DYSF: variants seen among roughly 807,000 people sequenced by gnomAD.
DYSF encodes dysferlin.
DYSF carries 212 observed loss-of-function variants against 274.9 expected under a neutral mutation model. The observed-to-expected ratio is 0.77, with a 90% CI of 0.69 to 0.86. The LOEUF (loss-of-function observed/expected upper bound fraction) is 0.86. Among genes scored for constraint, DYSF ranks in the 40% least tolerant of loss-of-function variants. DYSF has a pLI of 0.00. For missense variants in DYSF, 2,666 were observed against 2,783.2 expected, an observed-to-expected ratio of 0.96 and a Z score of 0.95; for synonymous variants, 1,091 against 1,078.7, an observed-to-expected ratio of 1.01 and a Z score of -0.22.
At chr2:71,569,142 G>A (rs2092287301) in intron 26 of DYSF, among the ~76,000 whole-genome samples, 1 of 152,190 alleles carries the variant, frequency 6.6e-6, no homozygotes, top group African/African-American at 2.4e-5. Context: ...CCAAAGTGCT[G>A]GGATTACAGG....
chr2:71,539,680 C>T (rs1156527462), intron 17 of DYSF, among the ~76,000 whole-genome samples: 2 of 151,804 alleles, frequency 1.3e-5, no homozygotes, highest in African/African-American at 4.8e-5. Context: ...ATAAGCCCAC[C>T]CCTCCGGACA....
intron 17 of DYSF, among the ~76,000 whole-genome samples, chr2:71,548,196 G>C (rs1013117240): frequency 6.6e-6 from 1 of 152,176 alleles, no homozygotes; most frequent in African/African-American, 2.4e-5. Flanking sequence ...TGAGGGGCTG[G>C]GCCGGGCCCT....
chr2:71,664,323 T>C lies in DYSF; in HGVS notation c.5059T>C (p.Tyr1687His). The change falls in exon 46 of 56, where the codon TAT (tyrosine) becomes CAT (histidine). Residue 1687 changes from tyrosine (Y) to histidine (H), a missense_variant. By Grantham distance (83) the Tyr-to-His change is moderately conservative (BLOSUM62 2). Around this residue, in one of 3 missense-constraint regions of DYSF, gnomAD observed 1,460 missense variants for 1,502.1 expected, o/e 0.97. Transcript: ENST00000410020. Reference protein sequence around the residue: ...PLEKDLKITLYDYDLLSKDEK... With the variant: ...PLEKDLKITLHDYDLLSKDEK... ...GGAGAAGGACCTAAAGATCACTCTC[T>C]ATGACTATGACCTCCTCTCCAAGGA... The C allele has an allele frequency of 6.2e-7, 1 of 1,614,186 alleles. No individual in the cohort carries two copies. Among genetic ancestry groups the C allele is most frequent in the Non-Finnish European group, 8.5e-7 (1 of 1,180,028 alleles).
chr2:71,521,773 C>T (rs554115091), intron 12 of DYSF, among the ~76,000 whole-genome samples: 2 of 152,204 alleles, frequency 1.3e-5, no homozygotes, highest in African/African-American at 4.8e-5. Context: ...TTAGCTGGGC[C>T]CCGGGTGCTG....
At chr2:71,515,545 T>A in intron 7 of DYSF, 78 bp from the exon 8 acceptor site, 1 of 1,603,502 alleles carries the variant, frequency 6.2e-7, no homozygotes, top group Non-Finnish European at 8.5e-7. Flanking sequence ...CCCTGAGATT[T>A]CTGACTCTTG....
At chr2:71,485,731 C>T (rs1573441581) in intron 3 of DYSF, among the ~76,000 whole-genome samples, 1 of 152,110 alleles carries the variant, frequency 6.6e-6, no homozygotes. Context: ...AAAACCATAC[C>T]AGGGAGTAAC....
At chr2:71,674,429 C>A in intron 52 of DYSF, 133 bp downstream of exon 52, 1 of 835,410 alleles carries the variant, frequency 1.2e-6, no homozygotes, top group Non-Finnish European at 2.0e-6. Flanking sequence ...TTTCAGGGAG[C>A]TCAGGGTCAT....
intron 41 of DYSF, among the ~76,000 whole-genome samples, chr2:71,631,458 T>A (rs1223140655): frequency 1.3e-5 from 2 of 152,186 alleles, no homozygotes; most frequent in Non-Finnish European, 2.9e-5. Context: ...GTGTTGCCAG[T>A]GAAGCCTGGC....
chr2:71,555,575 C>A (rs959612713), intron 21 of DYSF, among the ~76,000 whole-genome samples: 3 of 152,136 alleles, frequency 2.0e-5, no homozygotes, highest in Non-Finnish European at 2.9e-5. Flanking sequence ...GTGGTAGAAT[C>A]TGGAAAGGAG....
At chr2:71,510,331 A>G (rs2085960671) in intron 4 of DYSF, among the ~76,000 whole-genome samples, 1 of 152,006 alleles carries the variant, frequency 6.6e-6, no homozygotes, top group African/African-American at 2.4e-5. Context: ...GGCGGAGGGG[A>G]GGACTTTCTT....
chr2:71,563,926 C>G, intron 23 of DYSF, 132 bp from the exon 24 acceptor site: 1 of 1,295,072 alleles, frequency 7.7e-7, no homozygotes, highest in Non-Finnish European at 1.1e-6. Context: ...CCAGGGTGGA[C>G]AGTGTGTGGG....
intron 1 of DYSF, among the ~76,000 whole-genome samples, chr2:71,474,786 G>T (rs781655229): frequency 3.0e-4 from 46 of 152,142 alleles, no homozygotes; most frequent in Non-Finnish European, 5.6e-4. Context: ...ATGATTAAAA[G>T]ATATTTAGCA....
intron 1 of DYSF, among the ~76,000 whole-genome samples, chr2:71,473,177 T>C (rs1185184438): frequency 6.6e-6 from 1 of 152,180 alleles, no homozygotes; most frequent in Non-Finnish European, 1.5e-5. Context: ...GAGAACACCA[T>C]GGCAGGGCAG....
Position 71,503,172 on chromosome 2 carries a change from C to A in DYSF, c.240-42C>A, listed in dbSNP as rs752261636. ...GGGGTCTGGCAGAAGAGCCAGGGTG[C>A]CTTAGGCTAGTTTTCTACATTTGAC... On this transcript the variant is annotated intron_variant, in intron 3 of 55. Transcript: ENST00000410020. The A allele has an allele frequency of 1.9e-6, 3 of 1,577,032 alleles. No homozygotes were observed. In the Admixed American group the frequency reaches 5.0e-5, roughly 26 times the overall value.
chr2:71,590,247 A>G lies in DYSF; in HGVS notation c.3533A>G (p.Gln1178Arg). The change falls in exon 32 of 56, where the codon CAG (glutamine) becomes CGG (arginine). Residue 1178 changes from glutamine to arginine, a missense_variant. By Grantham distance (43) the Gln-to-Arg change is conservative. This residue lies in a region of DYSF where 1,460 missense variants were observed against 1,502.1 expected (regional missense o/e 0.97). Coordinates refer to ENST00000410020, the MANE Select transcript of DYSF (RefSeq NM_001130987.2). ...NRYHLRCYMY[Q>R]ARDLAAMDKD... ...TACCATCTACGCTGCTACATGTACCAGGCCCGGGACCTGGCTGCGATGGAC... is the reference window on the plus strand; with the variant it reads ...TACCATCTACGCTGCTACATGTACCGGGCCCGGGACCTGGCTGCGATGGAC... 6.2e-7 allele frequency: 1 copy of G among 1,614,126 alleles called. No homozygotes were observed. The highest frequency in any genetic ancestry group is 8.5e-7 in the Non-Finnish European group (1 of 1,180,012).
chr2:71,456,650 T>G (rs547315506), intron 1 of DYSF, among the ~76,000 whole-genome samples: 1 of 152,152 alleles, frequency 6.6e-6, no homozygotes, highest in South Asian at 2.1e-4. Flanking sequence ...ATGTATACAT[T>G]CATTGCAAGC....
At chr2:71,526,418 T>TGGGGGGG in intron 13 of DYSF, 72 bp downstream of exon 13, 4 of 261,498 alleles carry the variant, frequency 1.5e-5, no homozygotes, top group East Asian at 1.9e-4. Flanking sequence ...GGGTGGGCGA[T>TGGGGGGG]GGCGGGCGGG....
At chr2:71,566,207 G>A (rs1304484549) in intron 24 of DYSF, among the ~76,000 whole-genome samples, 15 of 150,998 alleles carry the variant, frequency 9.9e-5, no homozygotes, top group Non-Finnish European at 2.1e-4. Flanking sequence ...CGGGGAAGGC[G>A]GTCTGCGAGA....
chr2:71,553,030 A>C lies in DYSF; in HGVS notation c.1826A>C (p.Lys609Thr), dbSNP rs1276175142. The C allele has an allele frequency of 6.2e-7, 1 of 1,614,042 alleles. No homozygotes were observed. The highest frequency in any genetic ancestry group is 1.3e-5 in the African/African-American group (1 of 74,924). ...LRVEKYLRRR[K>T]YSLFAAFYSA... is the part of the protein sequence containing the mutation. ...TCTCAGAAGTACCTTAGGAGGCGCA[A>C]GTACTCCCTGTTTGCGGCCTTCTAC... The change falls in exon 20 of 56, where the codon AAG becomes ACG. Residue 609 changes from lysine (K) to threonine (T), a missense_variant. Lys to Thr is a moderately conservative substitution (Grantham distance 78). Coordinates refer to ENST00000410020, the MANE Select transcript of DYSF (RefSeq NM_001130987.2).
Sources: gnomAD v4.1 joint callset for allele counts (sites outside exome capture counted in the v4.1 genomes callset) on GRCh38, gnomAD v4.1.1 for gene constraint, gnomAD v4.1.1 regional missense constraint, MANE v1.5 for transcripts, NCBI Gene and HGNC (gene_info 2026-07-23, HGNC 2026-07-21) for gene names.